Variants in ZBTB14 observed in about 807,000 individuals in gnomAD.
The protein encoded by ZBTB14 is zinc finger and BTB domain containing 14.
In ZBTB14, 8 loss-of-function variants were observed where a neutral mutation model predicts 29.5. That is an observed-to-expected ratio of 0.27 (90% CI 0.16 to 0.49). ZBTB14 has a LOEUF of 0.49. Among genes scored for constraint, ZBTB14 ranks in the 20% least tolerant of loss-of-function variants. The pLI is 0.99. For synonymous variants in ZBTB14, 226 were observed against 207.2 expected, an observed-to-expected ratio of 1.09 and a Z score of -0.78; for missense variants, 333 against 563.8, an observed-to-expected ratio of 0.59 and a Z score of 4.15.
Position 5,292,195 on chromosome 18 carries a change from T to C in ZBTB14, c.13A>G (p.Ile5Val), listed in dbSNP as rs1413776197. 2 of 1,523,172 alleles carry C rather than the reference T, an allele frequency of 1.3e-6. No homozygotes were observed. The highest frequency in any genetic ancestry group is 1.5e-5 in the African/African-American group (1 of 65,496). The allele number at this position is 1,523,172 out of a possible 1,614,324, so 94.4% of individuals were successfully genotyped here. A position where few individuals can be genotyped will look rare whatever the true frequency, so the allele number is the denominator to read the frequency against. ...TATTTAATGGTTTCAGACATACTGATGAAAAACTCCTACAAAAAAAAAAAA... is the reference window on the plus strand; with the variant it reads ...TATTTAATGGTTTCAGACATACTGACGAAAAACTCCTACAAAAAAAAAAAA... MEFF[I>V]SMSETIKYND... The change falls in exon 4 of 4, where the codon ATC (isoleucine) becomes GTC (valine). Residue 5 changes from isoleucine (I) to valine (V), a missense_variant. Coordinates refer to ENST00000651870, the MANE Select transcript of ZBTB14 (RefSeq NM_001243702.2).
chr18:5,294,478 C>T (rs1567908929), intron 1 of ZBTB14, among the ~76,000 whole-genome samples: 1 of 152,160 alleles, frequency 6.6e-6, no homozygotes, highest in Non-Finnish European at 1.5e-5. Flanking sequence ...GTTGTTTTGG[C>T]TAGTGTGTAC....
rs892506922 is a variant in ZBTB14 at position 5,295,682 on chromosome 18, C to G, written c.-142G>C. ...CGCGCCGCTGGCGGCCGCCGCACATCCTGGAGCTGGCTGGTGCCCCAGAGC... is the reference window on the plus strand; with the variant it reads ...CGCGCCGCTGGCGGCCGCCGCACATGCTGGAGCTGGCTGGTGCCCCAGAGC... On this transcript the variant is annotated 5_prime_UTR_variant, in exon 1 of 4. Transcript: ENST00000651870. 1.3e-5 allele frequency: 2 copies of G among 149,858 alleles called. No homozygotes were observed. Among genetic ancestry groups the G allele is most frequent in the Non-Finnish European group, 3.0e-5 (2 of 67,346 alleles). 9.3% of individuals were successfully genotyped at this position (149,858 alleles called of 1,614,324 possible).
chr18:5,291,238 G>A lies in ZBTB14; in HGVS notation c.970C>T (p.Leu324=). Reference sequence around the variant, plus strand: ...GGCTTATATCCTGTGTGGATTTTTAGGTGTTCTTTCAGGTGGGCCTGTGTG... The same window carrying A: ...GGCTTATATCCTGTGTGGATTTTTAAGTGTTCTTTCAGGTGGGCCTGTGTG... ...FTTQAHLKEH[L]KIHTGYKPYS... The change falls in exon 4 of 4, where the codon CTA becomes TTA. Residue 324 remains leucine, a synonymous_variant. Transcript: ENST00000651870. The surrounding 1 kb of genome is among the most constrained non-coding windows in gnomAD (Gnocchi z 5.8). 1 of 1,614,204 alleles carries A rather than the reference G, an allele frequency of 6.2e-7. No individual in the cohort carries two copies. The highest frequency in any genetic ancestry group is 8.5e-7 in the Non-Finnish European group (1 of 1,180,036).
At position 5,293,224 on chromosome 18, in the gene ZBTB14, A is replaced by G. The variant is rs771510293; in HGVS notation, c.3+20T>C. ...GCCAAGTCATTTTCATCAAGATTTA[A>G]TATCCAAAGTTATAGTTACCATGAA... On this transcript the variant is annotated intron_variant, in intron 3 of 3. Coordinates refer to ENST00000651870, the MANE Select transcript of ZBTB14 (RefSeq NM_001243702.2). 22 of 1,611,614 alleles carry G rather than the reference A, an allele frequency of 1.4e-5. No individual in the cohort carries two copies. Among genetic ancestry groups the G allele is most frequent in the Admixed American group, 5.1e-5 (3 of 59,230 alleles).
chr18:5,296,856 T>G (rs2071978652), upstream of ZBTB14, among the ~76,000 whole-genome samples: 2 of 127,898 alleles, frequency 1.6e-5, no homozygotes, highest in African/African-American at 2.9e-5. Flanking sequence ...TTCGGAGAGC[T>G]CTGATAACTT....
At position 5,293,555 on chromosome 18, in the gene ZBTB14, G is replaced by A. The variant is rs887545089; in HGVS notation, c.-81-228C>T. The A allele has an allele frequency of 1.4e-5, 4 of 287,944 alleles. No homozygotes were observed. In the Admixed American group the frequency reaches 1.4e-4, roughly 10 times the overall value. 17.8% of individuals were successfully genotyped at this position (287,944 alleles called of 1,614,324 possible). ...CGGGCATAAAGGGGCTGTGCCCTAG[G>A]AACTGGAAGGAGGGGTTGGAGAACC... is the stretch of plus-strand genomic sequence containing the variant. On this transcript the variant is annotated intron_variant, in intron 2 of 3. Coordinates refer to ENST00000651870, the MANE Select transcript of ZBTB14 (RefSeq NM_001243702.2).
At chr18:5,293,093 T>TTTAAAAA in intron 3 of ZBTB14, 151 bp downstream of exon 3, 1 of 906,126 alleles carries the variant, frequency 1.1e-6, no homozygotes, top group Non-Finnish European at 1.6e-6. Context: ...TCTCTATGTT[T>TTTAAAAA]CCTTTTTAAA....
chr18:5,296,569 C>T (rs1022544280), upstream of ZBTB14, among the ~76,000 whole-genome samples: 2 of 151,764 alleles, frequency 1.3e-5, no homozygotes, highest in Non-Finnish European at 2.9e-5. Flanking sequence ...GCACACCGGC[C>T]GACACCGGGA....
chr18:5,295,200 G>C (rs1017107436), intron 1 of ZBTB14, among the ~76,000 whole-genome samples: 13 of 144,008 alleles, frequency 9.0e-5, no homozygotes, highest in African/African-American at 2.5e-4. Context: ...GCCGCGCCGC[G>C]CCCCGCTCCG....
In ZBTB14 at chr18:5,293,273, C is replaced by G. The variant is rs901934781; in HGVS notation, c.-27G>C. 1.2e-6 allele frequency: 2 copies of G among 1,612,584 alleles called. 1 individual carries two copies. Among genetic ancestry groups the G allele is most frequent in the African/African-American group, 2.7e-5 (2 of 74,840 alleles). On this transcript the variant is annotated 5_prime_UTR_variant, in exon 3 of 4. Coordinates refer to ENST00000651870, the MANE Select transcript of ZBTB14 (RefSeq NM_001243702.2). Reference sequence around the variant, plus strand: ...AACAACTCAGGCTATTATCTTAATGCCTTGAACGCCAAAATCTTCAGATCA... The same window carrying G: ...AACAACTCAGGCTATTATCTTAATGGCTTGAACGCCAAAATCTTCAGATCA...
In ZBTB14 at chr18:5,291,596, C is replaced by T; in HGVS notation, c.612G>A (p.Glu204=). 3.7e-6 allele frequency: 6 copies of T among 1,613,860 alleles called. No individual in the cohort carries two copies. The highest frequency in any genetic ancestry group is 5.1e-6 in the Non-Finnish European group (6 of 1,180,020). The part of the protein sequence containing the change: ...TLRVQEAILK[E]LGSEEVRKVN... ...CCTTCCGAACTTCCTCACTCCCCAG[C>T]TCTTTCAGGATCGCTTCCTGAACCC... The change falls in exon 4 of 4, where the codon GAG becomes GAA. Residue 204 remains glutamate (E), a synonymous_variant. Coordinates refer to ENST00000651870, the MANE Select transcript of ZBTB14 (RefSeq NM_001243702.2). This position sits in a 1 kb window ranked among gnomAD's most constrained non-coding sequence, Gnocchi z 5.8.
At chr18:5,296,434 A>C (rs1405666963), upstream of ZBTB14, among the ~76,000 whole-genome samples, 2 of 148,072 alleles carry the variant, frequency 1.4e-5, no homozygotes, top group African/African-American at 2.5e-5. Context: ...CGCGGGAGCC[A>C]GCGCTCCCGT....
At chr18:5,293,084 C>T (rs1193409351) in intron 3 of ZBTB14, among the ~76,000 whole-genome samples, 160 bp downstream of exon 3, 1 of 152,180 alleles carries the variant, frequency 6.6e-6, no homozygotes, top group African/African-American at 2.4e-5. Flanking sequence ...TTAAAGCATT[C>T]TCTATGTTTC....
chr18:5,296,993 T>C (rs2071981326), upstream of ZBTB14: 1 of 152,042 alleles, frequency 6.6e-6, no homozygotes, highest in South Asian at 2.1e-4. Flanking sequence ...TCCCTCCCGC[T>C]CCCGCGTTTT....
upstream of ZBTB14, among the ~76,000 whole-genome samples, chr18:5,296,618 G>A (rs2071974547): frequency 6.6e-6 from 1 of 152,072 alleles, no homozygotes; most frequent in South Asian, 2.1e-4. Context: ...TCTTGCCGCC[G>A]GCACATTGAG....
At chr18:5,294,406 T>C (rs2071891853) in intron 1 of ZBTB14, among the ~76,000 whole-genome samples, 1 of 152,182 alleles carries the variant, frequency 6.6e-6, no homozygotes, top group South Asian at 2.1e-4. Flanking sequence ...GGGATAAAAG[T>C]GCATGGGACC....
At chr18:5,296,551 C>G (rs1022014700), upstream of ZBTB14, among the ~76,000 whole-genome samples, 8 of 151,934 alleles carry the variant, frequency 5.3e-5, no homozygotes, top group African/African-American at 9.7e-5. Context: ...GCCACTTTCG[C>G]CCTCCGCGCA....
Position 5,290,596 on chromosome 18 carries a change from T to TTA in ZBTB14, c.*261_*262insTA, listed in dbSNP as rs1567904886. 3.1e-6 allele frequency: 1 copy of TTA among 325,568 alleles called. No homozygotes were observed. Among genetic ancestry groups the TTA allele is most frequent in the African/African-American group, 2.3e-5 (1 of 42,902 alleles). 20.2% of individuals were successfully genotyped at this position (325,568 alleles called of 1,614,324 possible). A position where few individuals can be genotyped will look rare whatever the true frequency, so the allele number is the denominator to read the frequency against. The stretch of plus-strand genomic sequence containing the variant: ...CACAGGAGTTCTCAAATTAAAATAA[T>TTA]AAAAAAAAAAAAGGGAGAGAGGTGC... On this transcript the variant is annotated 3_prime_UTR_variant, in exon 4 of 4. Coordinates refer to ENST00000651870, the MANE Select transcript of ZBTB14 (RefSeq NM_001243702.2).
Position 5,295,708 on chromosome 18 carries a change from T to A in ZBTB14, c.-168A>T, listed in dbSNP as rs1371985545. The A allele has an allele frequency of 6.7e-6, 1 of 149,958 alleles. No homozygotes were observed. Among genetic ancestry groups the A allele is most frequent in the Non-Finnish European group, 1.5e-5 (1 of 67,588 alleles). The allele number at this position is 149,958 out of a possible 1,614,324, so 9.3% of individuals were successfully genotyped here. A position where few individuals can be genotyped will look rare whatever the true frequency, so the allele number is the denominator to read the frequency against. On this transcript the variant is annotated 5_prime_UTR_variant, in exon 1 of 4. Coordinates refer to ENST00000651870, the MANE Select transcript of ZBTB14 (RefSeq NM_001243702.2). The stretch of plus-strand genomic sequence containing the variant: ...CTGGAGCTGGCTGGTGCCCCAGAGC[T>A]CGGCGAGAACGCGCGTCTTCCGGGC...
Sources: allele counts gnomAD v4.1 joint callset (sites outside exome capture counted in the v4.1 genomes callset), GRCh38; gene constraint gnomAD v4.1.1; non-coding constraint Gnocchi (gnomAD v3.1); transcripts MANE v1.5; gene names NCBI Gene and HGNC (gene_info 2026-07-23, HGNC 2026-07-21).